PCDH15: variants seen among roughly 807,000 people sequenced by gnomAD.
PCDH15 encodes the protein protocadherin-15.
A neutral mutation model predicts 178.5 loss-of-function variants in PCDH15; 129 were observed. The ratio of observed to expected loss-of-function variants is 0.72; its 90% CI spans 0.63 to 0.84. The LOEUF (loss-of-function observed/expected upper bound fraction) is 0.84. Ranked by LOEUF, PCDH15 falls within the 40% of genes least tolerant of loss-of-function variation. The probability of loss-of-function intolerance (pLI) is 0.00; values close to 1 mark genes in which losing one functional copy is unlikely to be tolerated. For synonymous variants in PCDH15, 800 were observed against 732.0 expected (o/e 1.09, Z -1.50); for missense variants, 2,230 against 2,099.9 (o/e 1.06, Z -1.21).
At chr10:53,823,763 G>T (rs528529439) in intron 32 of PCDH15, 5 of 457,864 alleles carry the variant, frequency 1.1e-5, no homozygotes, top group Non-Finnish European at 2.2e-5. Flanking sequence ...TGCCTGTTAC[G>T]CATAGAAGAT....
At chr10:53,995,236 C>T in intron 21 of PCDH15, 2 of 168,860 alleles carry the variant, frequency 1.2e-5, no homozygotes, top group South Asian at 1.4e-4. Flanking sequence ...TTTAATTTAC[C>T]AAAATAAACA....
chr10:54,917,839 T>C (rs759351983), intron 2 of PCDH15, among the ~76,000 whole-genome samples: 5 of 152,192 alleles, frequency 3.3e-5, no homozygotes, highest in Non-Finnish European at 5.9e-5. Flanking sequence ...CATATTCAAA[T>C]GGTTTAAAAA....
chr10:54,655,298 G>GAC (rs1323870646), intron 2 of PCDH15, among the ~76,000 whole-genome samples: 30 of 112,608 alleles, frequency 2.7e-4, no homozygotes, highest in Admixed American at 6.1e-4. Context: ...GAGAGAGAGA[G>GAC]AGAGACAGAG....
At chr10:54,614,063 G>A (rs1565747406) in intron 2 of PCDH15, among the ~76,000 whole-genome samples, 1 of 151,776 alleles carries the variant, frequency 6.6e-6, no homozygotes, top group Non-Finnish European at 1.5e-5. Context: ...ATTAGCAAGA[G>A]AATTAGTAAA....
chr10:54,123,087 C>G, intron 15 of PCDH15, among the ~76,000 whole-genome samples: 1 of 152,022 alleles, frequency 6.6e-6, no homozygotes, highest in East Asian at 1.9e-4. Flanking sequence ...ACCTAGGAAA[C>G]ACTATTCTGG....
At chr10:55,518,067 T>C (rs985517808) in intron 2 of PCDH15, among the ~76,000 whole-genome samples, 43 of 152,104 alleles carry the variant, frequency 2.8e-4, no homozygotes, top group African/African-American at 1.0e-3. Flanking sequence ...CCAGTCTCTG[T>C]TGGAGGACAG....
chr10:53,850,027 TTAAAG>T (rs1564607601), intron 28 of PCDH15, among the ~76,000 whole-genome samples: 2 of 152,038 alleles, frequency 1.3e-5, no homozygotes, highest in African/African-American at 2.4e-5. Flanking sequence ...TGATTAATCC[TTAAAG>T]TAAACAATTT....
intron 17 of PCDH15, among the ~76,000 whole-genome samples, chr10:54,068,688 TGAA>T (rs1246572777): frequency 1.3e-5 from 2 of 152,206 alleles, no homozygotes; most frequent in Admixed American, 6.5e-5. Flanking sequence ...CGGGTCACTT[TGAA>T]GAAGAAGATC....
intron 2 of PCDH15, among the ~76,000 whole-genome samples, chr10:55,623,126 C>T (rs1441968961): frequency 2.6e-5 from 4 of 152,076 alleles, no homozygotes; most frequent in Admixed American, 1.3e-4. Context: ...TATTTTTTAA[C>T]GTTAATGTCC....
chr10:54,700,706 G>A (rs558147195), intron 1 of PCDH15, among the ~76,000 whole-genome samples: 88 of 152,044 alleles, frequency 5.8e-4, no homozygotes, highest in Admixed American at 9.9e-4. Flanking sequence ...AGAACTATGG[G>A]ATTATGTAAA....
chr10:53,985,887 A>G (rs976974164), intron 21 of PCDH15, among the ~76,000 whole-genome samples: 1 of 152,210 alleles, frequency 6.6e-6, no homozygotes, highest in Non-Finnish European at 1.5e-5. Context: ...GTCAGAGTAA[A>G]CATAAAAAAA....
At chr10:55,231,201 G>C (rs553210370) in intron 1 of PCDH15, among the ~76,000 whole-genome samples, 18 of 152,070 alleles carry the variant, frequency 1.2e-4, no homozygotes, top group Admixed American at 4.6e-4. Flanking sequence ...AACAAAAATT[G>C]AATCTGGATA....
intron 2 of PCDH15, among the ~76,000 whole-genome samples, chr10:54,569,263 A>G (rs2089466173): frequency 6.6e-6 from 1 of 152,156 alleles, no homozygotes; most frequent in African/African-American, 2.4e-5. Flanking sequence ...ACTGTGAAGA[A>G]AATATGTAAA....
intron 3 of PCDH15, among the ~76,000 whole-genome samples, chr10:54,807,498 C>T (rs1461175252): frequency 1.3e-5 from 2 of 151,652 alleles, no homozygotes; most frequent in Non-Finnish European, 2.9e-5. Flanking sequence ...ATACATTGTA[C>T]TTTTTGTATA....
intron 2 of PCDH15, among the ~76,000 whole-genome samples, chr10:55,131,236 C>T (rs1838034128): frequency 6.6e-6 from 1 of 152,178 alleles, no homozygotes; most frequent in African/African-American, 2.4e-5. Flanking sequence ...ATGACCTTTT[C>T]ACTGTCTCCA....
intron 3 of PCDH15, among the ~76,000 whole-genome samples, chr10:54,488,552 T>A (rs2079305511): frequency 6.6e-6 from 1 of 151,952 alleles, no homozygotes; most frequent in South Asian, 2.1e-4. Flanking sequence ...CTCCATGATG[T>A]AGAAGTTAAA....
chr10:54,169,630 C>T (rs184197589), intron 13 of PCDH15, among the ~76,000 whole-genome samples: 18 of 150,898 alleles, frequency 1.2e-4, no homozygotes, highest in South Asian at 8.5e-4. Flanking sequence ...CCTCTTGTAT[C>T]CCCCCACCTT....
chr10:55,501,911 A>T (rs1050862120), intron 2 of PCDH15, among the ~76,000 whole-genome samples: 6 of 151,734 alleles, frequency 4.0e-5, no homozygotes, highest in African/African-American at 1.4e-4. Flanking sequence ...TAATGAAAAA[A>T]CAATCTTTTA....
intron 15 of PCDH15, among the ~76,000 whole-genome samples, chr10:54,122,221 A>G (rs924395655): frequency 6.6e-6 from 1 of 152,008 alleles, no homozygotes; most frequent in Non-Finnish European, 1.5e-5. Context: ...ACATATACAA[A>G]TCAGTAAATG....
Sources: allele counts gnomAD v4.1 joint callset (sites outside exome capture counted in the v4.1 genomes callset), GRCh38; gene constraint gnomAD v4.1.1; transcripts MANE v1.5; gene names NCBI Gene and HGNC (gene_info 2026-07-23, HGNC 2026-07-21).